The following ARFGEF2 variants were observed in gnomAD, a reference collection of about 807,000 sequenced individuals.
ARFGEF2 encodes ARF guanine nucleotide exchange factor 2, also known as brefeldin A-inhibited guanine nucleotide-exchange protein 2.
A neutral mutation model predicts 219.9 loss-of-function variants in ARFGEF2; 74 were observed. The ratio of observed to expected loss-of-function variants is 0.34; its 90% CI spans 0.28 to 0.41. ARFGEF2 has a LOEUF of 0.41. Among genes scored for constraint, ARFGEF2 ranks in the 10% least tolerant of loss-of-function variants. The probability of loss-of-function intolerance (pLI) is 1.00; values close to 1 mark genes in which losing one functional copy is unlikely to be tolerated. For missense variants in ARFGEF2, 1,743 were observed against 2,218.3 expected, an observed-to-expected ratio of 0.79 and a Z score of 4.30; for synonymous variants, 733 against 799.2, an observed-to-expected ratio of 0.92 and a Z score of 1.40.
At chr20:48,985,170 C>T (rs989034233) in intron 15 of ARFGEF2, among the ~76,000 whole-genome samples, 3 of 142,442 alleles carry the variant, frequency 2.1e-5, no homozygotes, top group Non-Finnish European at 4.5e-5. Flanking sequence ...TGTGCCCCGT[C>T]ATTCTCTCCA....
Position 48,942,461 on chromosome 20 carries a change from C to CT in ARFGEF2, c.276+477dup, listed in dbSNP as rs561486887. On this transcript the variant is annotated intron_variant, in intron 3 of 38. Coordinates refer to ENST00000371917, the MANE Select transcript of ARFGEF2 (RefSeq NM_006420.3). ...CACCACACCTCCTGGCTCAGCCTTT[C>CT]TTTCTTACTTGGTTTTTTTTTTTTT... Among the ~76,000 whole-genome samples, 341 of 98,852 alleles carry CT rather than the reference C, an allele frequency of 3.4e-3. 1 individual carries two copies. The highest frequency in any genetic ancestry group is 0.011 in the African/African-American group (309 of 27,282). 64.9% of individuals were successfully genotyped at this position (98,852 alleles called of 152,430 possible).
intron 1 of ARFGEF2, among the ~76,000 whole-genome samples, chr20:48,923,748 C>T (rs929094718): frequency 2.6e-5 from 4 of 152,146 alleles, no homozygotes; most frequent in Non-Finnish European, 4.4e-5. Flanking sequence ...ATTTTTTCTT[C>T]AGAAAACTTC....
chr20:48,958,950 A>C (rs1189427769), intron 6 of ARFGEF2, among the ~76,000 whole-genome samples: 1 of 152,220 alleles, frequency 6.6e-6, no homozygotes, highest in Non-Finnish European at 1.5e-5. Context: ...CTGGCTGAAG[A>C]GGGCAGCTTC....
intron 35 of ARFGEF2, among the ~76,000 whole-genome samples, chr20:49,024,631 AG>A (rs2091589795): frequency 6.6e-6 from 1 of 152,330 alleles, no homozygotes; most frequent in South Asian, 2.1e-4. Context: ...TGTGAGCCAG[AG>A]GCTGTCCTTT....
chr20:48,930,561 G>A (rs572088768), intron 1 of ARFGEF2, among the ~76,000 whole-genome samples: 2 of 152,310 alleles, frequency 1.3e-5, no homozygotes, highest in African/African-American at 2.4e-5. Flanking sequence ...GACTCACCCA[G>A]CTGGGTGGAT....
At chr20:48,929,040 A>G (rs2090897113) in intron 1 of ARFGEF2, among the ~76,000 whole-genome samples, 1 of 152,254 alleles carries the variant, frequency 6.6e-6, no homozygotes, top group Non-Finnish European at 1.5e-5. Flanking sequence ...TTAATCAGCA[A>G]GAACATGGAG....
At chr20:48,963,186 A>AAAAAAAAAAAAAAAAAAAAAAAAAAAAC (rs2091165190) in intron 6 of ARFGEF2, among the ~76,000 whole-genome samples, 1 of 151,896 alleles carries the variant, frequency 6.6e-6, no homozygotes, top group African/African-American at 2.4e-5. Context: ...AAAAAAAAAA[A>AAAAAAAAAAAAAAAAAAAAAAAAAAAAC]AAAGTAATGT....
At chr20:48,986,874 TATA>T (rs2091329609) in intron 16 of ARFGEF2, among the ~76,000 whole-genome samples, 1 of 152,098 alleles carries the variant, frequency 6.6e-6, no homozygotes, top group Admixed American at 6.6e-5. Context: ...TAATTTTTTG[TATA>T]ATATTTCTGC....
rs143122173 is a variant in ARFGEF2, at chr20:48,988,346, G to A, written c.2319G>A (p.Ala773=). ...GTGCTGACACTGCTTATGTCCTAGC[G>A]TATTCAATTATTATGCTGACTACAG... is the stretch of plus-strand genomic sequence containing the variant. ...FASADTAYVL[A]YSIIMLTTDL... Residue 773 remains alanine (A), a synonymous_variant, in exon 17 of 39, where the codon GCG becomes GCA. Coordinates refer to ENST00000371917, the MANE Select transcript of ARFGEF2 (RefSeq NM_006420.3). 394 of 1,613,636 alleles carry A rather than the reference G, an allele frequency of 2.4e-4. 2 individuals carry two copies. Among genetic ancestry groups the A allele is most frequent in the East Asian group, 4.5e-5 (2 of 44,870 alleles).
At chr20:49,016,258 T>C (rs746372548) in intron 30 of ARFGEF2, 22 bp from the exon 31 acceptor site, 23 of 1,613,042 alleles carry the variant, frequency 1.4e-5, no homozygotes, top group South Asian at 1.2e-4. Context: ...AGCTTTTAAG[T>C]GTCATCTTTT....
Position 48,971,081 on chromosome 20 carries a change from T to C in ARFGEF2, c.1191-39T>C, listed in dbSNP as rs1288442946. 6 of 1,557,282 alleles carry C rather than the reference T, an allele frequency of 3.9e-6. No individual in the cohort carries two copies. The Admixed American group carries it at 5.0e-5, about 13-fold the overall frequency. ...AAGAAACATACTGTTTGACATTTTT[T>C]CTTTTAGCACTGTTGTGGTTTTTCA... On this transcript the variant is annotated intron_variant, in intron 9 of 38. Coordinates refer to ENST00000371917, the MANE Select transcript of ARFGEF2 (RefSeq NM_006420.3).
rs2123472804 is a variant in ARFGEF2 at position 48,994,552 on chromosome 20, G to A, written c.3075G>A (p.Leu1025=). The A allele has an allele frequency of 6.2e-7, 1 of 1,614,154 alleles. No individual in the cohort carries two copies. The highest frequency in any genetic ancestry group is 8.5e-7 in the Non-Finnish European group (1 of 1,180,030). ...CTGGGCGTGAAAGAGAAGGGAGCCT[G>A]AAGGGCCACACATTGGCAGGAGAAG... ...SGSGREREGS[L]KGHTLAGEEF... is the part of the protein sequence containing the mutation. The change falls in exon 22 of 39, where the codon CTG becomes CTA. Residue 1025 remains leucine, a synonymous_variant. Transcript: ENST00000371917.
intron 26 of ARFGEF2, among the ~76,000 whole-genome samples, chr20:49,007,384 G>T (rs1413720043): frequency 6.9e-6 from 1 of 145,746 alleles, no homozygotes; most frequent in Non-Finnish European, 1.5e-5. Flanking sequence ...TTGCCTCTTT[G>T]GTTCAAACAA....
At chr20:49,032,908 C>A (rs1600566212) in intron 38 of ARFGEF2, 115 bp from the exon 39 acceptor site, 1 of 1,073,762 alleles carries the variant, frequency 9.3e-7, no homozygotes, top group Non-Finnish European at 1.4e-6. Context: ...TTTCTAATAG[C>A]AAGAAAAGCA....
Position 48,991,114 on chromosome 20 carries a change from G to A in ARFGEF2, c.2889G>A (p.Met963Ile), listed in dbSNP as rs2091355225. 6.2e-7 allele frequency: 1 copy of A among 1,614,168 alleles called. No homozygotes were observed. The highest frequency in any genetic ancestry group is 8.5e-7 in the Non-Finnish European group (1 of 1,180,028). The change falls in exon 21 of 39, where the codon ATG (methionine) becomes ATA (isoleucine). Residue 963 changes from methionine to isoleucine, a missense_variant. Coordinates refer to ENST00000371917, the MANE Select transcript of ARFGEF2 (RefSeq NM_006420.3). ...CAGCCAGCTCCAGCATCACAGAAAT[G>A]AAGCAGAAAAACATCGACACCATTA... ...LLTASSSITE[M>I]KQKNIDTIKT...
Position 48,937,618 on chromosome 20 carries a change from C to G in ARFGEF2, c.122-3581C>G, listed in dbSNP as rs147976826. ...GCAATTCCTAATTCTTGTGGGAATA[C>G]TTAAGGGTAAATTTAGAAAACCAAA... On this transcript the variant is annotated intron_variant, in intron 1 of 38. Coordinates refer to ENST00000371917, the MANE Select transcript of ARFGEF2 (RefSeq NM_006420.3). 5.3e-5 allele frequency among the ~76,000 whole-genome samples: 8 copies of G among 152,268 alleles called. 1 individual carries two copies. The highest frequency in any genetic ancestry group is 1.9e-4 in the African/African-American group (8 of 41,548).
At position 48,994,615 on chromosome 20, in the gene ARFGEF2, C is replaced by G. The variant is rs771156928; in HGVS notation, c.3121+17C>G. On this transcript the variant is annotated intron_variant, in intron 22 of 38. Coordinates refer to ENST00000371917, the MANE Select transcript of ARFGEF2 (RefSeq NM_006420.3). ...TTGGCCTCGGTAAGACACCAGGCCC[C>G]ACAGCTAACAGTCACGGATTTGCAA... The G allele has an allele frequency of 6.2e-7, 1 of 1,612,940 alleles. No individual in the cohort carries two copies. The highest frequency in any genetic ancestry group is 8.5e-7 in the Non-Finnish European group (1 of 1,179,958).
Position 48,976,004 on chromosome 20 carries a change from GT to G in ARFGEF2, c.1775-9del, listed in dbSNP as rs797045255. 1.6e-5 allele frequency: 25 copies of G among 1,611,842 alleles called. No individual in the cohort carries two copies. The highest frequency in any genetic ancestry group is 2.2e-4 in the Middle Eastern group (1 of 4,476). ...TGCTTATTTGGCTTCCTTTACTTTT[GT>G]TTCTCCGCAGGTCAGGAGAGGCTCA... On this transcript the variant is annotated splice_polypyrimidine_tract_variant and intron_variant, in intron 13 of 38. Transcript: ENST00000371917.
At chr20:49,020,323 G>A (rs1160923249) in intron 34 of ARFGEF2, among the ~76,000 whole-genome samples, 1 of 152,186 alleles carries the variant, frequency 6.6e-6, no homozygotes, top group Non-Finnish European at 1.5e-5. Context: ...TTCTTTAGAA[G>A]GAATAAAAGT....
Sources: gnomAD v4.1 joint callset for allele counts (sites outside exome capture counted in the v4.1 genomes callset) on GRCh38, gnomAD v4.1.1 for gene constraint, MANE v1.5 for transcripts, NCBI Gene and HGNC (gene_info 2026-07-23, HGNC 2026-07-21) for gene names.